CCDC33: variants seen among roughly 807,000 people sequenced by gnomAD.
The protein encoded by CCDC33 is coiled-coil domain-containing protein 33.
Under a neutral mutation model 91.9 loss-of-function variants are expected in CCDC33, and 94 were observed. The observed-to-expected ratio is 1.02, with a 90% confidence interval of 0.87 to 1.21. The LOEUF (loss-of-function observed/expected upper bound fraction) is 1.21. Ranked by LOEUF, CCDC33 falls within the 50% of genes most tolerant of loss-of-function variation. CCDC33 has a pLI of 0.00. For synonymous variants in CCDC33, 396 were observed against 374.5 expected (o/e 1.06, Z -0.66); for missense variants, 940 against 935.5 (o/e 1.00, Z -0.06).
upstream of CCDC33, chr15:74,213,514 C>T (rs142911532): frequency 6.6e-6 from 1 of 152,380 alleles, no homozygotes; most frequent in East Asian, 1.9e-4. Flanking sequence ...TCTGAAGGCT[C>T]CTGTGTACAT....
At chr15:74,284,282 T>C (rs542564613) in intron 10 of CCDC33, among the ~76,000 whole-genome samples, 1 of 152,188 alleles carries the variant, frequency 6.6e-6, no homozygotes, top group African/African-American at 2.4e-5. Flanking sequence ...GAAGGAGGGG[T>C]TGGCAGCCAT....
chr15:74,320,499 C>G (rs935782482), intron 11 of CCDC33, among the ~76,000 whole-genome samples: 3 of 152,080 alleles, frequency 2.0e-5, no homozygotes, highest in African/African-American at 7.2e-5. Context: ...GCAGGGTCTC[C>G]CCACCCCCAA....
upstream of CCDC33, among the ~76,000 whole-genome samples, chr15:74,214,180 G>C (rs2074393471): frequency 6.6e-6 from 1 of 152,070 alleles, no homozygotes; most frequent in South Asian, 2.1e-4. Flanking sequence ...CAGGAAGGGG[G>C]CCCTCTGGGG....
chr15:74,255,367 T>A (rs2075830403), intron 2 of CCDC33, among the ~76,000 whole-genome samples: 1 of 152,168 alleles, frequency 6.6e-6, no homozygotes, highest in Admixed American at 6.5e-5. Context: ...CACAAAGCTG[T>A]CTCTCTGGTC....
At chr15:74,253,049 CCATT>C (rs1449232210) in intron 2 of CCDC33, among the ~76,000 whole-genome samples, 1 of 152,178 alleles carries the variant, frequency 6.6e-6, no homozygotes, top group Non-Finnish European at 1.5e-5. Flanking sequence ...CCTGAAACCC[CCATT>C]CAGACTCAAG....
intron 11 of CCDC33, among the ~76,000 whole-genome samples, chr15:74,327,885 G>A (rs1378891045): frequency 1.3e-5 from 2 of 152,212 alleles, no homozygotes; most frequent in Non-Finnish European, 2.9e-5. Context: ...GGCCATCTCT[G>A]TGTGTCAGTA....
At chr15:74,213,311 AGAAG>A (rs1414841767), upstream of CCDC33, 2 of 152,246 alleles carry the variant, frequency 1.3e-5, no homozygotes, top group Non-Finnish European at 2.9e-5. Flanking sequence ...ACCCACACCC[AGAAG>A]GAAGAAATGC....
intron 1 of CCDC33, among the ~76,000 whole-genome samples, chr15:74,239,828 AC>A (rs2075289724): frequency 4.0e-3 from 1 of 248 alleles, no homozygotes; most frequent in African/African-American, 0.016. Context: ...ACTGAGAGTT[AC>A]GGGGGGGGTA....
At chr15:74,231,636 C>CT (rs563476999), upstream of CCDC33, among the ~76,000 whole-genome samples, 8 of 152,254 alleles carry the variant, frequency 5.3e-5, no homozygotes, top group South Asian at 1.7e-3. Context: ...GCCAGCAGGC[C>CT]TGGAGTCAAA....
chr15:74,319,282 G>T (rs779347335), intron 11 of CCDC33, among the ~76,000 whole-genome samples: 4 of 152,236 alleles, frequency 2.6e-5, no homozygotes, highest in Non-Finnish European at 5.9e-5. Flanking sequence ...CCTCGCTTCG[G>T]GTCGTTCGAC....
At chr15:74,258,594 G>C (rs2075937877) in intron 2 of CCDC33, among the ~76,000 whole-genome samples, 1 of 152,162 alleles carries the variant, frequency 6.6e-6, no homozygotes, top group Non-Finnish European at 1.5e-5. Flanking sequence ...TCTCTGGGCA[G>C]CCTTTGTGCA....
chr15:74,256,648 C>T (rs896539530), intron 2 of CCDC33, among the ~76,000 whole-genome samples: 3 of 152,214 alleles, frequency 2.0e-5, no homozygotes, highest in Non-Finnish European at 4.4e-5. Context: ...CACGGCATGA[C>T]ACTCCAAAGG....
At chr15:74,332,982 A>G in intron 16 of CCDC33, 137 bp downstream of exon 16, 1 of 1,035,590 alleles carries the variant, frequency 9.7e-7, no homozygotes, top group Non-Finnish European at 1.4e-6. Context: ...GGCTCCTGGA[A>G]TCAGCTCTCA....
At chr15:74,254,763 T>C (rs1331767267) in intron 2 of CCDC33, among the ~76,000 whole-genome samples, 1 of 136,504 alleles carries the variant, frequency 7.3e-6, no homozygotes, top group Admixed American at 6.8e-5. Context: ...TTTTTTTTTT[T>C]TGAGACGGAG....
chr15:74,214,426 CA>C (rs2074395006), upstream of CCDC33, among the ~76,000 whole-genome samples: 1 of 152,150 alleles, frequency 6.6e-6, no homozygotes, highest in African/African-American at 2.4e-5. Context: ...CCCTGCCCCC[CA>C]GAGACAGTCT....
At chr15:74,271,196 G>A (rs1174313750) in intron 5 of CCDC33, among the ~76,000 whole-genome samples, 1 of 152,080 alleles carries the variant, frequency 6.6e-6, no homozygotes, top group Non-Finnish European at 1.5e-5. Flanking sequence ...AGCATGGTCG[G>A]AGAAACCAGA....
chr15:74,204,912 AC>A (rs2074225222), intron 1 of CCDC33, among the ~76,000 whole-genome samples: 1 of 151,800 alleles, frequency 6.6e-6, no homozygotes, highest in African/African-American at 2.4e-5. Context: ...TCCAGCCTGG[AC>A]AAAAGAGGCA....
In CCDC33 at chr15:74,264,313, A is replaced by G. The variant is rs116430472; in HGVS notation, c.319+1740A>G. On this transcript the variant is annotated intron_variant, in intron 3 of 18. Transcript: ENST00000398814. ...TCAGACCCTGTGTCAGGGCCAAAGC[A>G]GGCGGGTGGCAGAAATAGCTTGTTG... Among the ~76,000 whole-genome samples, 847 of 152,294 alleles carry G rather than the reference A, an allele frequency of 5.6e-3. 14 individuals carry two copies. Among genetic ancestry groups the G allele is most frequent in the African/African-American group, 0.019 (807 of 41,546 alleles).
intron 1 of CCDC33, among the ~76,000 whole-genome samples, chr15:74,238,205 C>G (rs554025326): frequency 6.6e-6 from 1 of 151,120 alleles, no homozygotes; most frequent in East Asian, 2.0e-4. Flanking sequence ...GGCAGAAGTT[C>G]GAGACCAGTC....
Sources: gnomAD v4.1 joint callset for allele counts (sites outside exome capture counted in the v4.1 genomes callset) on GRCh38, gnomAD v4.1.1 for gene constraint, MANE v1.5 for transcripts, NCBI Gene and HGNC (gene_info 2026-07-23, HGNC 2026-07-21) for gene names.